Variants in KLHL32 observed in about 807,000 individuals in gnomAD.
KLHL32 encodes the protein kelch like family member 32.
A neutral mutation model predicts 64.8 loss-of-function variants in KLHL32; 35 were observed. The ratio of observed to expected loss-of-function variants is 0.54; its 90% CI spans 0.41 to 0.72. The LOEUF (loss-of-function observed/expected upper bound fraction) is 0.72. Ranked by LOEUF, KLHL32 falls within the 30% of genes least tolerant of loss-of-function variation. KLHL32 has a pLI of 0.00. For missense variants in KLHL32, 589 were observed against 768.5 expected, an observed-to-expected ratio of 0.77 and a Z score of 2.76; for synonymous variants, 259 against 281.0, an observed-to-expected ratio of 0.92 and a Z score of 0.78.
At chr6:96,915,693 TAA>T in the KLHL32 span, among the ~76,000 whole-genome samples, 2 of 152,118 alleles carry the variant, frequency 1.3e-5, no homozygotes, top group African/African-American at 2.4e-5. Flanking sequence ...AGAATTTTAT[TAA>T]GAGTGAGAAT....
intron 1 of KLHL32, among the ~76,000 whole-genome samples, chr6:96,939,099 C>T (rs975081179): frequency 6.6e-6 from 1 of 152,226 alleles, no homozygotes; most frequent in Admixed American, 6.5e-5. Context: ...ACATGGGCCA[C>T]ACCTTATTGG....
At chr6:96,963,944 A>G (rs1471968365) in intron 1 of KLHL32, among the ~76,000 whole-genome samples, 1 of 152,178 alleles carries the variant, frequency 6.6e-6, no homozygotes, top group Non-Finnish European at 1.5e-5. Context: ...GTTGAAAGAG[A>G]TCTCAAAGGT....
At chr6:97,132,221 C>T (rs1207946072) in intron 9 of KLHL32, among the ~76,000 whole-genome samples, 1 of 152,116 alleles carries the variant, frequency 6.6e-6, no homozygotes, top group Non-Finnish European at 1.5e-5. Context: ...CATGGCTCTG[C>T]TTTATTGGCT....
intron 3 of KLHL32, among the ~76,000 whole-genome samples, chr6:97,020,101 C>G (rs1010108652): frequency 6.6e-6 from 1 of 151,980 alleles, no homozygotes; most frequent in Non-Finnish European, 1.5e-5. Flanking sequence ...AGCCACCGTG[C>G]CAGGCTGATT....
intron 5 of KLHL32, among the ~76,000 whole-genome samples, chr6:97,070,603 A>G (rs1285744156): frequency 6.6e-6 from 1 of 152,202 alleles, no homozygotes; most frequent in Non-Finnish European, 1.5e-5. Context: ...GATTGACTGT[A>G]TCTTCGTTTG....
At chr6:96,925,401 T>C (rs1769019512) in intron 1 of KLHL32, among the ~76,000 whole-genome samples, 1 of 152,246 alleles carries the variant, frequency 6.6e-6, no homozygotes, top group Non-Finnish European at 1.5e-5. Context: ...TGGCATTTGT[T>C]AATCTGTATT....
intron 10 of KLHL32, among the ~76,000 whole-genome samples, chr6:97,138,340 AGCAGGCT>A (rs1215547065): frequency 6.6e-6 from 1 of 152,070 alleles, no homozygotes; most frequent in African/African-American, 2.4e-5. Flanking sequence ...GGAGTTTGAG[AGCAGGCT>A]GCACAACATG....
intron 1 of KLHL32, among the ~76,000 whole-genome samples, chr6:96,943,545 T>C (rs568141447): frequency 1.6e-4 from 24 of 152,360 alleles, no homozygotes; most frequent in African/African-American, 5.8e-4. Context: ...CTCCACATTT[T>C]GTATGAGAAA....
intron 3 of KLHL32, among the ~76,000 whole-genome samples, chr6:96,992,076 G>A (rs1053785220): frequency 6.6e-6 from 1 of 152,232 alleles, no homozygotes; most frequent in Non-Finnish European, 1.5e-5. Context: ...AGTGGGCCAT[G>A]TCTGGCGAGG....
intron 3 of KLHL32, among the ~76,000 whole-genome samples, chr6:96,981,820 T>C (rs545355753): frequency 1.3e-5 from 2 of 152,304 alleles, no homozygotes; most frequent in African/African-American, 4.8e-5. Flanking sequence ...CCGAAAATCA[T>C]TCAGGAGCAA....
chr6:96,967,796 A>G (rs1774630799), intron 2 of KLHL32, among the ~76,000 whole-genome samples: 1 of 152,194 alleles, frequency 6.6e-6, no homozygotes, highest in African/African-American at 2.4e-5. Context: ...TACAGGATAG[A>G]TAGAGCAAGA....
rs566012118 is a variant in KLHL32, at chr6:97,060,990, TG to T, written c.313-3635del. Reference sequence around the variant, plus strand: ...TGCTACAAATTGCAGGAGATGTTCCTGGGCCAGACCCAAGTAATGAGATGTG... The same window carrying T: ...TGCTACAAATTGCAGGAGATGTTCCTGGCCAGACCCAAGTAATGAGATGTG... On this transcript the variant is annotated intron_variant, in intron 4 of 10. Transcript: ENST00000369261. Among the ~76,000 whole-genome samples, 12 of 152,282 alleles carry T rather than the reference TG, an allele frequency of 7.9e-5. No individual in the cohort carries two copies. In the South Asian group the frequency reaches 2.5e-3, roughly 32 times the overall value.
intron 1 of KLHL32, among the ~76,000 whole-genome samples, chr6:96,948,542 G>C (rs6568672): frequency 0.013 from 1,923 of 152,110 alleles, 33 homozygotes; most frequent in African/African-American, 0.044. Flanking sequence ...GATATACTTT[G>C]GGTCTGTTTC....
chr6:97,033,515 T>C (rs1236473763), intron 3 of KLHL32, among the ~76,000 whole-genome samples: 1 of 152,158 alleles, frequency 6.6e-6, no homozygotes, highest in Non-Finnish European at 1.5e-5. Flanking sequence ...TTTAAGATAC[T>C]AATTTCATTT....
chr6:96,967,005 T>C lies in KLHL32; in HGVS notation c.-56T>C. 1 of 1,546,022 alleles carries C rather than the reference T, an allele frequency of 6.5e-7. No homozygotes were observed. Among genetic ancestry groups the C allele is most frequent in the South Asian group, 1.1e-5 (1 of 89,412 alleles). On this transcript the variant is annotated 5_prime_UTR_variant, in exon 2 of 11. Coordinates refer to ENST00000369261, the MANE Select transcript of KLHL32 (RefSeq NM_052904.4). ...TTGTCTTTTTATTCAGCTGGAATGC[T>C]TGCTGATTCCTCTGCACACTTCTAA...
At chr6:96,987,435 G>A (rs1166837978) in intron 3 of KLHL32, among the ~76,000 whole-genome samples, 2 of 152,064 alleles carry the variant, frequency 1.3e-5, no homozygotes, top group Non-Finnish European at 2.9e-5. Context: ...GCAAACCACT[G>A]CTCAATGAAA....
At chr6:96,927,173 A>T (rs1769265773) in intron 1 of KLHL32, among the ~76,000 whole-genome samples, 1 of 152,228 alleles carries the variant, frequency 6.6e-6, no homozygotes, top group South Asian at 2.1e-4. Context: ...AAACAAAAGC[A>T]TATATAGTTT....
chr6:97,106,024 G>A (rs943079663), intron 6 of KLHL32, among the ~76,000 whole-genome samples: 1 of 151,962 alleles, frequency 6.6e-6, no homozygotes, highest in Non-Finnish European at 1.5e-5. Flanking sequence ...ATTCCTTTGG[G>A]GTCATAGTGT....
chr6:97,094,988 C>T (rs1350130093), intron 6 of KLHL32, among the ~76,000 whole-genome samples: 2 of 152,194 alleles, frequency 1.3e-5, no homozygotes, highest in Non-Finnish European at 2.9e-5. Flanking sequence ...CACTTTAAAA[C>T]AAGTGAGCAT....
Sources: gnomAD v4.1 joint callset for allele counts (sites outside exome capture counted in the v4.1 genomes callset) on GRCh38, gnomAD v4.1.1 for gene constraint, MANE v1.5 for transcripts, NCBI Gene and HGNC (gene_info 2026-07-23, HGNC 2026-07-21) for gene names.